The following ADISSP variants were observed in gnomAD, a reference collection of about 807,000 sequenced individuals.
ADISSP encodes the protein adipose-secreted signaling protein.
chr20:3,757,817 C>T, the ADISSP span, among the ~76,000 whole-genome samples: 21 of 152,126 alleles, frequency 1.4e-4, no homozygotes, highest in African/African-American at 4.1e-4. Flanking sequence ...TTAGTAGAGA[C>T]GGGTTTCGAC....
chr20:3,765,661 C>G, the ADISSP span, among the ~76,000 whole-genome samples: 3 of 152,152 alleles, frequency 2.0e-5, no homozygotes, highest in African/African-American at 4.8e-5. Flanking sequence ...AGAGTGGGCC[C>G]CAGGGACGTC....
At chr20:3,760,888 T>C in the ADISSP span, among the ~76,000 whole-genome samples, 6 of 152,338 alleles carry the variant, frequency 3.9e-5, no homozygotes, top group Admixed American at 3.9e-4. Context: ...TGGGACCATC[T>C]GAGCATCAAA....
At chr20:3,758,033 C>T in the ADISSP span, among the ~76,000 whole-genome samples, 1 of 152,020 alleles carries the variant, frequency 6.6e-6, no homozygotes, top group Non-Finnish European at 1.5e-5. The surrounding 1 kb of genome is among the most constrained non-coding windows in gnomAD (Gnocchi z 5.5). Context: ...GATAATACTA[C>T]TTCAAAGAGC....
chr20:3,757,030 T>C, the ADISSP span, among the ~76,000 whole-genome samples: 58,661 of 151,678 alleles, frequency 0.39, 11,528 homozygotes, highest in East Asian at 0.55. Flanking sequence ...TTCAGAAAAA[T>C]AAATAAATAA....
the ADISSP span, chr20:3,758,416 G>C: frequency 1.2e-6 from 1 of 842,820 alleles, no homozygotes; most frequent in Non-Finnish European, 1.9e-6. This position sits in a 1 kb window ranked among gnomAD's most constrained non-coding sequence, Gnocchi z 5.5. Context: ...GGCAACCAAG[G>C]CACAGGGAAA....
chr20:3,766,847 C>T, the ADISSP span, among the ~76,000 whole-genome samples: 1 of 152,268 alleles, frequency 6.6e-6, no homozygotes, highest in Non-Finnish European at 1.5e-5. Context: ...GAAAAATGCC[C>T]TACCTCCACT....
the ADISSP span, among the ~76,000 whole-genome samples, chr20:3,755,979 A>C: frequency 6.6e-6 from 1 of 152,156 alleles, no homozygotes; most frequent in Admixed American, 6.5e-5. Context: ...CCTGCTATGC[A>C]TGGCACCCAG....
the ADISSP span, chr20:3,758,718 C>G: frequency 6.2e-7 from 1 of 1,601,196 alleles, no homozygotes; most frequent in Non-Finnish European, 8.5e-7. The surrounding 1 kb of genome is among the most constrained non-coding windows in gnomAD (Gnocchi z 5.5). Context: ...CTTTCCCTGT[C>G]CCCAGGAAAC....
chr20:3,756,373 T>C, the ADISSP span, among the ~76,000 whole-genome samples: 2 of 152,192 alleles, frequency 1.3e-5, no homozygotes, highest in Admixed American at 1.3e-4. Flanking sequence ...CAAATGCCAT[T>C]CTTGGAAACT....
chr20:3,755,436 C>T, the ADISSP span: 2 of 1,598,318 alleles, frequency 1.3e-6, no homozygotes, highest in Admixed American at 1.7e-5. Flanking sequence ...CACTCCCACA[C>T]CCATCCAGGC....
At chr20:3,753,779 G>GCCCT in the ADISSP span, 1 of 516,160 alleles carries the variant, frequency 1.9e-6, no homozygotes, top group Non-Finnish European at 3.5e-6. Context: ...CCCACCCCAG[G>GCCCT]CCCTCCCTCT....
the ADISSP span, among the ~76,000 whole-genome samples, chr20:3,762,617 G>A: frequency 6.6e-6 from 1 of 152,198 alleles, no homozygotes; most frequent in Admixed American, 6.5e-5. Context: ...CTCCCAAAGT[G>A]CTGGGATTAC....
the ADISSP span, among the ~76,000 whole-genome samples, chr20:3,761,484 C>T: frequency 6.6e-5 from 10 of 152,218 alleles, no homozygotes; most frequent in Non-Finnish European, 1.3e-4. Context: ...TACAGGCGCC[C>T]GCCACCACGC....
chr20:3,755,466 C>T, the ADISSP span: 1 of 1,604,748 alleles, frequency 6.2e-7, no homozygotes. Context: ...GGAGGGGACG[C>T]ACCTTCAGGG....
the ADISSP span, among the ~76,000 whole-genome samples, chr20:3,765,381 C>A: frequency 6.6e-6 from 1 of 152,212 alleles, no homozygotes; most frequent in Non-Finnish European, 1.5e-5. Context: ...GGCAGCAGTC[C>A]TGGTTCAAAT....
At chr20:3,754,349 A>G in the ADISSP span, 1 of 1,595,642 alleles carries the variant, frequency 6.3e-7, no homozygotes, top group Non-Finnish European at 8.6e-7. Context: ...AAACCCTCGC[A>G]GTCGAGCTTG....
the ADISSP span, among the ~76,000 whole-genome samples, chr20:3,764,242 C>T: frequency 6.6e-6 from 1 of 152,246 alleles, no homozygotes; most frequent in Admixed American, 6.5e-5. Context: ...CCAGCCACAC[C>T]TCTGCAGCCA....
At chr20:3,754,604 C>A in the ADISSP span, 1 of 1,408,444 alleles carries the variant, frequency 7.1e-7, no homozygotes, top group South Asian at 1.2e-5. Context: ...CTACCCACCA[C>A]CATGGGGGGA....
chr20:3,766,351 C>T, the ADISSP span, among the ~76,000 whole-genome samples: 7 of 152,162 alleles, frequency 4.6e-5, 2 homozygotes, highest in African/African-American at 1.7e-4. Context: ...TTCACATCAA[C>T]TCAGCTTTAA....
Sources: gnomAD v4.1 joint callset for allele counts (sites outside exome capture counted in the v4.1 genomes callset) on GRCh38, gnomAD v4.1.1 for gene constraint, Gnocchi (gnomAD v3.1) non-coding constraint, MANE v1.5 for transcripts, NCBI Gene and HGNC (gene_info 2026-07-23, HGNC 2026-07-21) for gene names.